DPF3: variants seen among roughly 807,000 people sequenced by gnomAD.
The protein encoded by DPF3 is zinc finger protein DPF3.
DPF3 carries 18 observed loss-of-function variants against 56.8 expected under a neutral mutation model. The observed-to-expected ratio is 0.32, with a 90% CI of 0.22 to 0.47. The LOEUF is 0.47. Ranked by LOEUF, DPF3 falls within the 20% of genes least tolerant of loss-of-function variation. The pLI, the probability that DPF3 is intolerant of heterozygous loss-of-function variation, is 1.00. For synonymous variants in DPF3, 188 were observed against 180.2 expected (o/e 1.04, Z -0.35); for missense variants, 403 against 488.8 (o/e 0.82, Z 1.65).
At chr14:72,856,832 C>T (rs974106234) in intron 1 of DPF3, among the ~76,000 whole-genome samples, 14 of 152,194 alleles carry the variant, frequency 9.2e-5, no homozygotes, top group Non-Finnish European at 1.9e-4. Flanking sequence ...GAGTCCAGCG[C>T]GGCCCCTGTG....
At chr14:72,885,369 G>GGTTTGTTTGTTTGTTT (rs36017937) in intron 1 of DPF3, among the ~76,000 whole-genome samples, 1 of 149,106 alleles carries the variant, frequency 6.7e-6, no homozygotes, top group Non-Finnish European at 1.5e-5. Context: ...TAATTTTTTG[G>GGTTTGTTTGTTTGTTT]GTTTGTTTGT....
intron 7 of DPF3, among the ~76,000 whole-genome samples, chr14:72,680,111 GTGGCGTGATAGAGAC>G (rs1887095855): frequency 6.6e-6 from 1 of 152,222 alleles, no homozygotes; most frequent in South Asian, 2.1e-4. Context: ...AGGGTTAAAA[GTGGCGTGATAGAGAC>G]TGTGGGGAAG....
Position 72,701,067 on chromosome 14 carries a change from C to T in DPF3, c.605-7854G>A, listed in dbSNP as rs543283401. Among the ~76,000 whole-genome samples the T allele has an allele frequency of 7.9e-5, 12 of 152,366 alleles. No individual in the cohort carries two copies. In the South Asian group the frequency reaches 2.3e-3, roughly 29 times the overall value. On this transcript the variant is annotated intron_variant, in intron 6 of 10. Transcript: ENST00000556509. ...TCTCCTTTTATCATGTCGGCATTCTCACTCTGGAAATATCTGTCGTGCGGA... is the reference window on the plus strand; with the variant it reads ...TCTCCTTTTATCATGTCGGCATTCTTACTCTGGAAATATCTGTCGTGCGGA...
chr14:72,731,564 C>A, intron 4 of DPF3: 1 of 502,664 alleles, frequency 2.0e-6, no homozygotes, highest in Non-Finnish European at 3.6e-6. Flanking sequence ...TCAACAAATT[C>A]ACTTTGCATA....
chr14:72,630,470 G>A (rs1006516109), intron 8 of DPF3, among the ~76,000 whole-genome samples: 5 of 152,180 alleles, frequency 3.3e-5, no homozygotes, highest in African/African-American at 4.8e-5. Context: ...ATCACAAGAT[G>A]AGAGAAGGGA....
intron 1 of DPF3, among the ~76,000 whole-genome samples, chr14:72,809,750 G>T (rs373907025): frequency 6.6e-6 from 1 of 152,162 alleles, no homozygotes; most frequent in South Asian, 2.1e-4. Context: ...GGAGACCCAA[G>T]AACCCAACTT....
At chr14:72,714,845 T>C (rs1340401403) in intron 5 of DPF3, among the ~76,000 whole-genome samples, 1 of 152,136 alleles carries the variant, frequency 6.6e-6, no homozygotes, top group Non-Finnish European at 1.5e-5. Flanking sequence ...AGCCCTCCTC[T>C]ACCAAATTCC....
intron 3 of DPF3, among the ~76,000 whole-genome samples, chr14:72,745,764 ACT>A (rs1334412863): frequency 6.6e-6 from 1 of 151,876 alleles, no homozygotes; most frequent in Non-Finnish European, 1.5e-5. Flanking sequence ...CTGGCCAATG[ACT>A]CTATCCTGAG....
intron 1 of DPF3, among the ~76,000 whole-genome samples, chr14:72,789,893 C>T (rs781449618): frequency 1.2e-4 from 18 of 152,208 alleles, no homozygotes; most frequent in Non-Finnish European, 2.2e-4. Context: ...GGGGCCTCCC[C>T]CAAACTCCTT....
intron 6 of DPF3, among the ~76,000 whole-genome samples, chr14:72,696,165 T>C (rs1199813526): frequency 6.6e-6 from 1 of 152,202 alleles, no homozygotes; most frequent in Non-Finnish European, 1.5e-5. Flanking sequence ...GATAATGATA[T>C]CAGTATTTAC....
rs1435878074 is a variant in DPF3 at position 72,617,511 on chromosome 14, T to C, written c.*1786A>G. On this transcript the variant is annotated 3_prime_UTR_variant, in exon 11 of 11. Coordinates refer to ENST00000556509, the MANE Select transcript of DPF3 (RefSeq NM_001280542.3). ...AAATTACTTATGAGGAAGATGAAAA[T>C]TCCATCCGGTCGGGGGCCCTTTAAA... Among the ~76,000 whole-genome samples the C allele has an allele frequency of 6.6e-6, 1 of 152,120 alleles. No individual in the cohort carries two copies. The highest frequency in any genetic ancestry group is 1.5e-5 in the Non-Finnish European group (1 of 68,026).
At chr14:72,852,942 C>T (rs1885035890) in intron 1 of DPF3, among the ~76,000 whole-genome samples, 1 of 151,948 alleles carries the variant, frequency 6.6e-6, no homozygotes, top group Non-Finnish European at 1.5e-5. Flanking sequence ...GGAGTTCTCT[C>T]AATTTACCAA....
At chr14:72,719,744 T>C (rs1889088407) in intron 5 of DPF3, among the ~76,000 whole-genome samples, 1 of 152,186 alleles carries the variant, frequency 6.6e-6, no homozygotes, top group East Asian at 1.9e-4. Flanking sequence ...TTATTCCCTT[T>C]GCTTGCCCCC....
At chr14:72,731,741 C>A in intron 4 of DPF3, 66 bp downstream of exon 4, 1 of 1,598,394 alleles carries the variant, frequency 6.3e-7, no homozygotes, top group Non-Finnish European at 8.5e-7. Flanking sequence ...CAAGCCGGTG[C>A]TGGAGTTCTG....
intron 1 of DPF3, among the ~76,000 whole-genome samples, chr14:72,785,887 G>A (rs1250990510): frequency 6.6e-6 from 1 of 152,212 alleles, no homozygotes; most frequent in African/African-American, 2.4e-5. Context: ...ATGCCAGAAA[G>A]TCATAAACTA....
intron 1 of DPF3, among the ~76,000 whole-genome samples, chr14:72,841,008 A>G (rs944477399): frequency 1.3e-5 from 2 of 152,196 alleles, no homozygotes; most frequent in African/African-American, 4.8e-5. Flanking sequence ...CATCAAGTCA[A>G]TTCTGCAGGT....
At chr14:72,718,593 G>A (rs1286818027) in intron 5 of DPF3, among the ~76,000 whole-genome samples, 6 of 151,936 alleles carry the variant, frequency 3.9e-5, no homozygotes. Flanking sequence ...TTTTTACTGG[G>A]CTACCTCTTA....
chr14:72,670,959 C>T (rs1004907333), intron 8 of DPF3: 24 of 1,350,432 alleles, frequency 1.8e-5, no homozygotes, highest in Non-Finnish European at 2.2e-5. Flanking sequence ...TGTACATACC[C>T]AAAACAGAGG....
chr14:72,794,479 C>T (rs1380963855), intron 1 of DPF3, among the ~76,000 whole-genome samples: 3 of 152,228 alleles, frequency 2.0e-5, no homozygotes, highest in Non-Finnish European at 1.5e-5. Flanking sequence ...CCAGCGGGGT[C>T]AGCAGTCAGA....
Sources: gnomAD v4.1 joint callset for allele counts (sites outside exome capture counted in the v4.1 genomes callset) on GRCh38, gnomAD v4.1.1 for gene constraint, MANE v1.5 for transcripts, NCBI Gene and HGNC (gene_info 2026-07-23, HGNC 2026-07-21) for gene names.